The following FER1L6 variants were observed in gnomAD, a reference collection of about 807,000 sequenced individuals.
FER1L6 encodes the protein fer-1 like family member 6.
In FER1L6, 177 loss-of-function variants were observed where a neutral mutation model predicts 219.2. The ratio of observed to expected loss-of-function variants is 0.81; its 90% CI spans 0.71 to 0.91. FER1L6 has a LOEUF of 0.91. FER1L6 is among the 40% of genes least tolerant of loss of function. The pLI, the probability that FER1L6 is intolerant of heterozygous loss-of-function variation, is 0.00. For missense variants in FER1L6, 2,153 were observed against 2,259.9 expected, an observed-to-expected ratio of 0.95 and a Z score of 0.96; for synonymous variants, 768 against 824.3, an observed-to-expected ratio of 0.93 and a Z score of 1.17.
chr8:124,067,413 GAC>G (rs1820872635), intron 27 of FER1L6, among the ~76,000 whole-genome samples: 1 of 152,174 alleles, frequency 6.6e-6, no homozygotes, highest in Admixed American at 6.5e-5. Context: ...AACGCCAACA[GAC>G]ACAACTCATG....
At chr8:123,996,131 C>T (rs1004588609) in intron 12 of FER1L6, among the ~76,000 whole-genome samples, 2 of 152,064 alleles carry the variant, frequency 1.3e-5, no homozygotes, top group Middle Eastern at 3.2e-3. Flanking sequence ...TATTCTATAG[C>T]CATTAGAAGA....
chr8:123,867,035 G>A (rs1816849449), intron 1 of FER1L6, among the ~76,000 whole-genome samples: 2 of 152,106 alleles, frequency 1.3e-5, no homozygotes, highest in African/African-American at 4.8e-5. Context: ...TCTCTTTATT[G>A]TTTCTTTTGC....
intron 18 of FER1L6, among the ~76,000 whole-genome samples, chr8:124,032,646 T>G (rs1819022386): frequency 7.0e-6 from 1 of 143,510 alleles, no homozygotes; most frequent in Non-Finnish European, 1.5e-5. Context: ...GAGGCTGAGG[T>G]GGGAGGATGG....
intron 10 of FER1L6, among the ~76,000 whole-genome samples, chr8:123,979,383 A>G (rs1234951076): frequency 6.6e-6 from 1 of 152,186 alleles, no homozygotes; most frequent in East Asian, 1.9e-4. Context: ...ATTAAAGATG[A>G]GGCAGGTACT....
chr8:124,114,328 C>G (rs191382599), intron 39 of FER1L6, among the ~76,000 whole-genome samples: 1 of 152,054 alleles, frequency 6.6e-6, no homozygotes, highest in African/African-American at 2.4e-5. Context: ...TTTTCCCTTG[C>G]TTTTTTTGTT....
rs775190983 is a variant in FER1L6, at chr8:124,003,224, A to C, written c.1577A>C (p.Glu526Ala). 2.5e-6 allele frequency: 4 copies of C among 1,614,144 alleles called. No homozygotes were observed. Among genetic ancestry groups the C allele is most frequent in the Non-Finnish European group, 3.4e-6 (4 of 1,180,012 alleles). The change falls in exon 13 of 41, where the codon GAA becomes GCA. Residue 526 changes from glutamate (E) to alanine (A), a missense_variant. Physicochemically the swap from Glu to Ala is moderately radical, Grantham distance 107 (BLOSUM62 -1). Transcript: ENST00000522917. ...CATCATGGGAGTAAGAAGTCAGCTG[A>C]ATCAGCTGAAGAAGACCTCCTTCCA... ...GSHHGSKKSA[E>A]SAEEDLLPLL...
At chr8:123,915,305 G>A (rs1019519567) in intron 1 of FER1L6, among the ~76,000 whole-genome samples, 1 of 152,128 alleles carries the variant, frequency 6.6e-6, no homozygotes, top group Non-Finnish European at 1.5e-5. Context: ...AGCCAGGGGG[G>A]TGAGGGGCAG....
At chr8:124,077,582 C>G (rs971622531) in intron 32 of FER1L6, among the ~76,000 whole-genome samples, 2 of 152,320 alleles carry the variant, frequency 1.3e-5, no homozygotes, top group South Asian at 4.1e-4. Context: ...TGACCTTTAT[C>G]GTCACCTGCC....
chr8:124,004,727 G>A (rs1388607810), intron 13 of FER1L6, among the ~76,000 whole-genome samples: 2 of 152,074 alleles, frequency 1.3e-5, no homozygotes, highest in Non-Finnish European at 2.9e-5. Flanking sequence ...GGTCAGGCGA[G>A]GTGGCTCATG....
intron 18 of FER1L6, 151 bp from the exon 19 acceptor site, chr8:124,035,126 T>C (rs1340481620): frequency 3.9e-6 from 3 of 761,640 alleles, no homozygotes; most frequent in Non-Finnish European, 6.2e-6. Context: ...ATTGGGGCCA[T>C]TGTCTTTATT....
At chr8:123,973,544 C>T in intron 7 of FER1L6, 32 bp downstream of exon 7, 1 of 1,537,784 alleles carries the variant, frequency 6.5e-7, no homozygotes, top group Non-Finnish European at 9.0e-7. Flanking sequence ...ATCTGTATCT[C>T]ACTTGTCTTT....
At chr8:123,973,350 C>A in intron 6 of FER1L6, 84 bp from the exon 7 acceptor site, 1 of 1,119,514 alleles carries the variant, frequency 8.9e-7, no homozygotes, top group Non-Finnish European at 1.4e-6. Flanking sequence ...CACTGTGCTC[C>A]AGACAGGGTC....
chr8:124,039,529 C>T (rs1053503515), intron 19 of FER1L6, among the ~76,000 whole-genome samples: 5 of 152,098 alleles, frequency 3.3e-5, no homozygotes, highest in East Asian at 1.9e-4. Context: ...ATCGATGCTC[C>T]GGCATGGGTT....
intron 12 of FER1L6, among the ~76,000 whole-genome samples, chr8:123,996,360 A>T (rs1817132058): frequency 1.3e-5 from 2 of 152,022 alleles, no homozygotes; most frequent in Non-Finnish European, 1.5e-5. Flanking sequence ...TTGTATTTTC[A>T]ATTGTTATAT....
At chr8:123,958,942 G>T (rs890349214) in intron 2 of FER1L6, among the ~76,000 whole-genome samples, 1 of 151,852 alleles carries the variant, frequency 6.6e-6, no homozygotes, top group Non-Finnish European at 1.5e-5. Context: ...TGGATAGAGC[G>T]CATAAAGTGG....
At chr8:123,919,798 C>T (rs1222741143) in intron 1 of FER1L6, among the ~76,000 whole-genome samples, 1 of 152,164 alleles carries the variant, frequency 6.6e-6, no homozygotes. Context: ...CTCATAGGTA[C>T]CCGGAGCTCC....
intron 1 of FER1L6, among the ~76,000 whole-genome samples, chr8:123,857,238 G>A (rs953295733): frequency 2.0e-5 from 3 of 152,214 alleles, no homozygotes; most frequent in Non-Finnish European, 4.4e-5. Flanking sequence ...GCCTTGGCAC[G>A]ATGGCTCATG....
chr8:123,871,811 C>T (rs1816928391), intron 1 of FER1L6, among the ~76,000 whole-genome samples: 1 of 152,166 alleles, frequency 6.6e-6, no homozygotes, highest in Non-Finnish European at 1.5e-5. Flanking sequence ...CTACCTCATT[C>T]AGGTGATCAC....
chr8:123,996,389 C>A (rs1012917540), intron 12 of FER1L6, among the ~76,000 whole-genome samples: 1 of 151,994 alleles, frequency 6.6e-6, no homozygotes, highest in African/African-American at 2.4e-5. Context: ...TGAAATGACT[C>A]CTTGGTCTCT....
Sources: allele counts gnomAD v4.1 joint callset (sites outside exome capture counted in the v4.1 genomes callset), GRCh38; gene constraint gnomAD v4.1.1; transcripts MANE v1.5; gene names NCBI Gene and HGNC (gene_info 2026-07-23, HGNC 2026-07-21).